Variants in THSD7B observed in about 807,000 individuals in gnomAD.
THSD7B encodes the protein thrombospondin type-1 domain-containing protein 7B.
A neutral mutation model predicts 213.6 loss-of-function variants in THSD7B; 138 were observed. The ratio of observed to expected loss-of-function variants is 0.65; its 90% CI spans 0.56 to 0.74. The LOEUF (loss-of-function observed/expected upper bound fraction) is 0.74. Ranked by LOEUF, THSD7B falls within the 30% of genes least tolerant of loss-of-function variation. The pLI, the probability that THSD7B is intolerant of heterozygous loss-of-function variation, is 0.00. For missense variants in THSD7B, 1,931 were observed against 1,991.5 expected (o/e 0.97, Z 0.58); for synonymous variants, 742 against 687.0 (o/e 1.08, Z -1.25).
intron 1 of THSD7B, among the ~76,000 whole-genome samples, chr2:136,819,537 C>T (rs1200528619): frequency 6.6e-6 from 1 of 152,040 alleles, no homozygotes; most frequent in East Asian, 1.9e-4. Context: ...TGGACTTATC[C>T]TCAATGTACT....
At chr2:137,143,824 T>C (rs191851434) in intron 5 of THSD7B, among the ~76,000 whole-genome samples, 7 of 152,292 alleles carry the variant, frequency 4.6e-5, no homozygotes, top group Non-Finnish European at 7.4e-5. Flanking sequence ...TACTTATATA[T>C]AGTTCTTCCA....
intron 15 of THSD7B, 138 bp downstream of exon 15, chr2:137,451,161 C>T (rs1687643992): frequency 4.6e-6 from 4 of 860,370 alleles, no homozygotes; most frequent in Non-Finnish European, 4.9e-6. Context: ...TTAAGAGGGC[C>T]AAAATTAAAA....
In THSD7B at chr2:136,816,723, C is replaced by G. The variant is rs139555648; in HGVS notation, c.-36+51036C>G. Among the ~76,000 whole-genome samples the G allele has an allele frequency of 1.5e-4, 23 of 152,304 alleles. No homozygotes were observed. The East Asian group carries it at 4.0e-3, about 27-fold the overall frequency. ...ATAAAGGCTGCACATATTTGCATCT[C>G]CACTGGGAATGCACTTGAATGCCCT... On this transcript the variant is annotated intron_variant, in intron 1 of 27. Coordinates refer to ENST00000409968, the MANE Select transcript of THSD7B (RefSeq NM_001316349.2).
chr2:137,622,116 C>T (rs1329551101), intron 20 of THSD7B, among the ~76,000 whole-genome samples: 2 of 152,182 alleles, frequency 1.3e-5, no homozygotes, highest in Non-Finnish European at 2.9e-5. Flanking sequence ...CCTCATCGTC[C>T]AAGACCATCA....
intron 7 of THSD7B, among the ~76,000 whole-genome samples, chr2:137,190,567 C>T (rs1332543914): frequency 3.3e-5 from 5 of 152,072 alleles, no homozygotes; most frequent in African/African-American, 4.8e-5. Flanking sequence ...AAAGTATCCT[C>T]GGGTGTTTGC....
chr2:137,044,453 G>A (rs2104864966), intron 2 of THSD7B, among the ~76,000 whole-genome samples: 1 of 152,172 alleles, frequency 6.6e-6, no homozygotes. Flanking sequence ...TCATCTCCCA[G>A]CACTTTTTAG....
At chr2:136,904,855 C>T (rs1426293136) in intron 2 of THSD7B, among the ~76,000 whole-genome samples, 2 of 152,138 alleles carry the variant, frequency 1.3e-5, no homozygotes, top group Admixed American at 1.3e-4. Context: ...AATGCATGTT[C>T]CATTTGTTGT....
chr2:136,887,062 T>A (rs1032055209), intron 2 of THSD7B, among the ~76,000 whole-genome samples: 1 of 152,178 alleles, frequency 6.6e-6, no homozygotes, highest in African/African-American at 2.4e-5. Flanking sequence ...TGAAACGATG[T>A]TAAAGAAAAT....
chr2:137,208,691 A>C (rs2105031269), intron 7 of THSD7B, among the ~76,000 whole-genome samples: 1 of 152,042 alleles, frequency 6.6e-6, no homozygotes, highest in East Asian at 1.9e-4. Context: ...GGGAATGTTG[A>C]CTGGTTGTGG....
intron 1 of THSD7B, among the ~76,000 whole-genome samples, chr2:136,865,053 C>T (rs1458639652): frequency 2.6e-5 from 4 of 152,306 alleles, no homozygotes; most frequent in African/African-American, 7.2e-5. Flanking sequence ...TGGGTTATTA[C>T]AGTACTGGAT....
intron 2 of THSD7B, among the ~76,000 whole-genome samples, chr2:136,914,574 GC>G (rs1684320837): frequency 6.6e-6 from 1 of 152,138 alleles, no homozygotes; most frequent in Admixed American, 6.5e-5. Context: ...AATCATGGGA[GC>G]CCGTCTTTCC....
intron 2 of THSD7B, among the ~76,000 whole-genome samples, chr2:136,985,091 A>C (rs866125258): frequency 6.6e-6 from 1 of 152,136 alleles, no homozygotes; most frequent in South Asian, 2.1e-4. Flanking sequence ...TAAAGACTTA[A>C]AGTTGAACCT....
intron 2 of THSD7B, among the ~76,000 whole-genome samples, chr2:136,993,249 A>G (rs1685821085): frequency 6.6e-6 from 1 of 152,208 alleles, no homozygotes; most frequent in Non-Finnish European, 1.5e-5. Flanking sequence ...TTTCTTAGGC[A>G]TCTCCATTTA....
chr2:136,816,340 T>C (rs1682473649), intron 1 of THSD7B, among the ~76,000 whole-genome samples: 1 of 152,242 alleles, frequency 6.6e-6, no homozygotes, highest in South Asian at 2.1e-4. Flanking sequence ...GTTAAATGTC[T>C]ACTACATGCA....
At chr2:137,473,843 C>T (rs990204022) in intron 15 of THSD7B, among the ~76,000 whole-genome samples, 1 of 152,158 alleles carries the variant, frequency 6.6e-6, no homozygotes, top group Non-Finnish European at 1.5e-5. Context: ...GTCTCAAGTG[C>T]TCCTCAGGCA....
intron 2 of THSD7B, among the ~76,000 whole-genome samples, chr2:137,040,560 A>C (rs1214911743): frequency 6.6e-6 from 1 of 151,728 alleles, no homozygotes; most frequent in South Asian, 2.1e-4. Context: ...CACCTGGCTA[A>C]TTTTTTGTAT....
At chr2:136,793,525 C>T (rs951597006) in intron 1 of THSD7B, among the ~76,000 whole-genome samples, 5 of 151,940 alleles carry the variant, frequency 3.3e-5, no homozygotes, top group Non-Finnish European at 7.4e-5. Flanking sequence ...GAGTAAGTTA[C>T]TTAATTTTGA....
At chr2:137,529,472 A>T (rs551425126) in intron 15 of THSD7B, among the ~76,000 whole-genome samples, 102 of 149,964 alleles carry the variant, frequency 6.8e-4, no homozygotes, top group African/African-American at 2.4e-3. Flanking sequence ...GGCCTCATAA[A>T]GAAGGTAAGG....
chr2:137,184,679 C>T (rs1177988861), intron 7 of THSD7B, among the ~76,000 whole-genome samples: 1 of 152,066 alleles, frequency 6.6e-6, no homozygotes, highest in Non-Finnish European at 1.5e-5. Context: ...ATGTCTAAGT[C>T]TATATCTATA....
Sources: gnomAD v4.1 joint callset for allele counts (sites outside exome capture counted in the v4.1 genomes callset) on GRCh38, gnomAD v4.1.1 for gene constraint, MANE v1.5 for transcripts, NCBI Gene and HGNC (gene_info 2026-07-23, HGNC 2026-07-21) for gene names.